The following TLE5 variants were observed in gnomAD, a reference collection of about 807,000 sequenced individuals.
The protein encoded by TLE5 is TLE family member 5, transcriptional modulator.
Under a neutral mutation model 25.8 loss-of-function variants are expected in TLE5, and 7 were observed. That is an observed-to-expected ratio of 0.27 (90% CI 0.15 to 0.51). TLE5 has a LOEUF of 0.51. Ranked by LOEUF, TLE5 falls within the 20% of genes least tolerant of loss-of-function variation. The probability of loss-of-function intolerance (pLI) is 0.97; values close to 1 mark genes in which losing one functional copy is unlikely to be tolerated. For missense variants in TLE5, 149 were observed against 250.7 expected, an observed-to-expected ratio of 0.59 and a Z score of 2.74; for synonymous variants, 132 against 110.5, an observed-to-expected ratio of 1.20 and a Z score of -1.22.
chr19:3,062,646 C>G, upstream of TLE5: 1 of 1,279,854 alleles, frequency 7.8e-7, no homozygotes, highest in South Asian at 2.2e-5. Context: ...CCGCGGTGAC[C>G]TTGGGCCCGG....
rs1431656607 is a variant in TLE5 at position 3,056,375 on chromosome 19, G to A, written c.190-19C>T. 1 of 1,175,556 alleles carries A rather than the reference G, an allele frequency of 8.5e-7. No homozygotes were observed. Among genetic ancestry groups the A allele is most frequent in the Non-Finnish European group, 1.1e-6 (1 of 879,584 alleles). The allele number at this position is 1,175,556 out of a possible 1,614,324, so 72.8% of individuals were successfully genotyped here. ...CGTAGTACTGTATGGGGGAGAGAGA[G>A]GGGGAGCGGGAGATGGGGGTGGGGA... On this transcript the variant is annotated intron_variant, in intron 3 of 6. Transcript: ENST00000327141.
chr19:3,061,307 C>G lies in TLE5; in HGVS notation c.28-50G>C, dbSNP rs552109568. The G allele has an allele frequency of 2.2e-5, 32 of 1,454,654 alleles. No homozygotes were observed. In the East Asian group the frequency reaches 2.3e-4, roughly 10 times the overall value. 90.1% of individuals were successfully genotyped at this position (1,454,654 alleles called of 1,614,324 possible). ...CAGGCCCAGGCGTGGGCTGGACCCCCCTCAAGGGCCGGCTAGGAGGGAGCG... is the reference window on the plus strand; with the variant it reads ...CAGGCCCAGGCGTGGGCTGGACCCCGCTCAAGGGCCGGCTAGGAGGGAGCG... On this transcript the variant is annotated intron_variant, in intron 1 of 6. Coordinates refer to ENST00000327141, the MANE Select transcript of TLE5 (RefSeq NM_001130.6).
At chr19:3,060,730 A>C (rs765511595) in intron 2 of TLE5, among the ~76,000 whole-genome samples, 36 of 152,194 alleles carry the variant, frequency 2.4e-4, no homozygotes, top group Non-Finnish European at 3.2e-4. Flanking sequence ...TTTCTGAAAG[A>C]AGCAGCACCT....
At chr19:3,056,620 C>T in intron 3 of TLE5, 1 of 653,804 alleles carries the variant, frequency 1.5e-6, no homozygotes. Context: ...GGTCCCTAGC[C>T]CTGGCCTGGC....
At chr19:3,057,535 C>G (rs1452054788) in intron 3 of TLE5, 144 bp downstream of exon 3, 1 of 774,654 alleles carries the variant, frequency 1.3e-6, no homozygotes, top group Non-Finnish European at 2.1e-6. Flanking sequence ...CAGCAGGGGC[C>G]GGCTGAATGG....
chr19:3,062,416 C>T lies in TLE5; in HGVS notation c.-216G>A. On this transcript the variant is annotated 5_prime_UTR_variant, in exon 1 of 7. Transcript: ENST00000327141. ...GCCCCGCTTCCTGCGCGCCCGGCGC[C>T]CCTCCCCGCCCCTCCCCGCCGCCCG... 7 of 738,764 alleles carry T rather than the reference C, an allele frequency of 9.5e-6. No individual in the cohort carries two copies. Among genetic ancestry groups the T allele is most frequent in the Non-Finnish European group, 1.2e-5 (7 of 607,994 alleles). The allele number at this position is 738,764 out of a possible 1,614,324, so 45.8% of individuals were successfully genotyped here. A position where few individuals can be genotyped will look rare whatever the true frequency, so the allele number is the denominator to read the frequency against.
chr19:3,062,787 A>G, upstream of TLE5: 1 of 1,549,560 alleles, frequency 6.5e-7, no homozygotes, highest in Non-Finnish European at 8.7e-7. Flanking sequence ...CTGCTGTGGC[A>G]CGACCTGGAC....
chr19:3,061,856 C>T (rs951387664), intron 1 of TLE5, among the ~76,000 whole-genome samples: 4 of 139,098 alleles, frequency 2.9e-5, no homozygotes, highest in Middle Eastern at 3.8e-3. Context: ...GAGGCCAAGG[C>T]CGTCCGAGGC....
intron 2 of TLE5, among the ~76,000 whole-genome samples, chr19:3,059,955 C>T (rs1052131158): frequency 1.3e-5 from 2 of 152,128 alleles, no homozygotes; most frequent in South Asian, 2.1e-4. Flanking sequence ...GGATGAAGCA[C>T]GAGGAGGCAC....
At chr19:3,055,886 C>T (rs1050422423) in intron 4 of TLE5, 160 bp from the exon 5 acceptor site, 12 of 681,232 alleles carry the variant, frequency 1.8e-5, no homozygotes, top group African/African-American at 5.5e-5. Flanking sequence ...TGTTCGGGCC[C>T]GAGGGCAGCC....
Position 3,061,265 on chromosome 19 carries a change from G to A in TLE5, c.28-8C>T. The A allele has an allele frequency of 1.2e-6, 2 of 1,609,988 alleles. No homozygotes were observed. Among genetic ancestry groups the A allele is most frequent in the Admixed American group, 1.7e-5 (1 of 59,978 alleles). On this transcript the variant is annotated splice_polypyrimidine_tract_variant and splice_region_variant and intron_variant, in intron 1 of 6. Transcript: ENST00000327141. ...GGGTAGGTGCGAGGAGCCCTGTAGGGATGGGGCGGCCCGGGTCAGGCCCAG... is the reference window on the plus strand; with the variant it reads ...GGGTAGGTGCGAGGAGCCCTGTAGGAATGGGGCGGCCCGGGTCAGGCCCAG...
intron 2 of TLE5, among the ~76,000 whole-genome samples, chr19:3,060,123 C>T (rs1330499218): frequency 3.9e-5 from 6 of 151,986 alleles, no homozygotes; most frequent in Non-Finnish European, 1.5e-5. Flanking sequence ...GCCCCAAGGC[C>T]AAACGGGGGT....
Position 3,053,101 on chromosome 19 carries a change from G to A in TLE5, c.*718C>T, listed in dbSNP as rs1012010622. 1 of 148,298 alleles carries A rather than the reference G, an allele frequency of 6.7e-6. No homozygotes were observed. Among genetic ancestry groups the A allele is most frequent in the Non-Finnish European group, 1.5e-5 (1 of 67,392 alleles). The allele number at this position is 148,298 out of a possible 1,614,324, so 9.2% of individuals were successfully genotyped here. A position where few individuals can be genotyped will look rare whatever the true frequency, so the allele number is the denominator to read the frequency against. ...TTTTTTAATATCCCCTTTCTTAAAAGACAAGCTAGTATACTGGAAAAAGAA... is the reference window on the plus strand; with the variant it reads ...TTTTTTAATATCCCCTTTCTTAAAAAACAAGCTAGTATACTGGAAAAAGAA... On this transcript the variant is annotated 3_prime_UTR_variant, in exon 7 of 7. Transcript: ENST00000327141.
chr19:3,055,821 C>A, intron 4 of TLE5, 95 bp from the exon 5 acceptor site: 1 of 1,357,544 alleles, frequency 7.4e-7, no homozygotes, highest in South Asian at 1.5e-5. Context: ...CCAGCCCTGC[C>A]ACTTGCGGCT....
chr19:3,057,019 C>G (rs1161393354), intron 3 of TLE5, among the ~76,000 whole-genome samples: 1 of 152,122 alleles, frequency 6.6e-6, no homozygotes, highest in African/African-American at 2.4e-5. Flanking sequence ...TCTCTCTGAC[C>G]CCAGCCCTAT....
At chr19:3,058,520 G>A (rs192561861) in intron 2 of TLE5, among the ~76,000 whole-genome samples, 2 of 152,290 alleles carry the variant, frequency 1.3e-5, no homozygotes, top group Non-Finnish European at 2.9e-5. Flanking sequence ...TTCATGGGGG[G>A]CCTGGACTTC....
chr19:3,059,501 A>G (rs957488324), intron 2 of TLE5, among the ~76,000 whole-genome samples: 2 of 152,204 alleles, frequency 1.3e-5, no homozygotes, highest in African/African-American at 4.8e-5. Flanking sequence ...CAGCCTGGCG[A>G]CAGAGCAAGA....
At chr19:3,061,111 G>A (rs2090262370) in intron 2 of TLE5, 49 bp downstream of exon 2, 1 of 1,405,888 alleles carries the variant, frequency 7.1e-7, no homozygotes, top group Non-Finnish European at 1.0e-6. Context: ...AGAAGAAATG[G>A]GGGGACTCAC....
At chr19:3,057,972 G>A (rs527284156) in intron 2 of TLE5, among the ~76,000 whole-genome samples, 16 of 152,034 alleles carry the variant, frequency 1.1e-4, no homozygotes, top group East Asian at 1.9e-4. Flanking sequence ...CTCCTTCCTC[G>A]GCCTCCCAAA....
Sources: gnomAD v4.1 joint callset for allele counts (sites outside exome capture counted in the v4.1 genomes callset) on GRCh38, gnomAD v4.1.1 for gene constraint, MANE v1.5 for transcripts, NCBI Gene and HGNC (gene_info 2026-07-23, HGNC 2026-07-21) for gene names.